The following CPHXL2 variants were observed in gnomAD, a reference collection of about 807,000 sequenced individuals.
CPHXL2 encodes cytoplasmic polyadenylated homeobox-like protein 2.
chr16:75,661,091 A>G, the CPHXL2 span: 2 of 400,852 alleles, frequency 5.0e-6, no homozygotes, highest in Admixed American at 4.4e-5. Context: ...TGGCACAGGA[A>G]AAACTCTGCT....
At chr16:75,670,439 A>C in the CPHXL2 span, among the ~76,000 whole-genome samples, 1 of 152,196 alleles carries the variant, frequency 6.6e-6, no homozygotes, top group African/African-American at 2.4e-5. Context: ...TGGTTTGTGA[A>C]CATTTGTTAA....
chr16:75,667,200 TAGTC>T, the CPHXL2 span, among the ~76,000 whole-genome samples: 8 of 151,584 alleles, frequency 5.3e-5, no homozygotes, highest in Non-Finnish European at 1.0e-4. Context: ...TAGTCACAGT[TAGTC>T]AGGAGACTGA....
chr16:75,665,076 C>T, the CPHXL2 span, among the ~76,000 whole-genome samples: 1 of 152,192 alleles, frequency 6.6e-6, no homozygotes, highest in Admixed American at 6.5e-5. Flanking sequence ...AGGCAGCGCT[C>T]ATGAGAGTCT....
the CPHXL2 span, among the ~76,000 whole-genome samples, chr16:75,661,823 GAAGA>G: frequency 6.6e-6 from 1 of 152,108 alleles, no homozygotes; most frequent in Non-Finnish European, 1.5e-5. Flanking sequence ...TCTGTGAGGA[GAAGA>G]AACAAACCAT....
chr16:75,668,967 C>CT, the CPHXL2 span, among the ~76,000 whole-genome samples: 1 of 151,924 alleles, frequency 6.6e-6, no homozygotes, highest in African/African-American at 2.4e-5. Flanking sequence ...AATTCTGTAC[C>CT]TTTTTATCTA....
chr16:75,671,370 A>AAG, the CPHXL2 span, among the ~76,000 whole-genome samples: 1 of 151,798 alleles, frequency 6.6e-6, no homozygotes, highest in African/African-American at 2.4e-5. Context: ...TCAAAAAAAA[A>AAG]AAAAAAAAAA....
chr16:75,663,700 G>A, the CPHXL2 span, among the ~76,000 whole-genome samples: 1 of 151,922 alleles, frequency 6.6e-6, no homozygotes, highest in Non-Finnish European at 1.5e-5. Flanking sequence ...TGGCTAACAT[G>A]GTGAAACCCT....
chr16:75,675,747 G>T, the CPHXL2 span, among the ~76,000 whole-genome samples: 6 of 152,228 alleles, frequency 3.9e-5, no homozygotes, highest in East Asian at 9.7e-4. Flanking sequence ...TGTAGATTTT[G>T]CCTCCAGGAC....
the CPHXL2 span, among the ~76,000 whole-genome samples, chr16:75,670,861 C>A: frequency 6.6e-6 from 1 of 152,134 alleles, no homozygotes. Context: ...AAATTTATTC[C>A]TGACATCGCT....
the CPHXL2 span, chr16:75,661,262 G>T: frequency 2.5e-6 from 1 of 400,772 alleles, no homozygotes; most frequent in Non-Finnish European, 4.4e-6. Flanking sequence ...AAAGGGAAAA[G>T]ATAATATTGT....
the CPHXL2 span, among the ~76,000 whole-genome samples, chr16:75,673,075 C>CAAAAAAA: frequency 1.6e-4 from 12 of 73,148 alleles, no homozygotes; most frequent in African/African-American, 4.4e-4. Flanking sequence ...GACCTTGTCT[C>CAAAAAAA]AAAAAAAAAA....
the CPHXL2 span, among the ~76,000 whole-genome samples, chr16:75,665,072 C>T: frequency 2.0e-5 from 3 of 152,270 alleles, no homozygotes; most frequent in South Asian, 2.1e-4. Context: ...TGGGAGGCAG[C>T]GCTCATGAGA....
chr16:75,665,238 G>A, the CPHXL2 span, among the ~76,000 whole-genome samples: 1 of 152,174 alleles, frequency 6.6e-6, no homozygotes, highest in Non-Finnish European at 1.5e-5. Flanking sequence ...TGAGACAAAA[G>A]CACCAGAAAA....
chr16:75,672,587 G>A, the CPHXL2 span, among the ~76,000 whole-genome samples: 1 of 152,160 alleles, frequency 6.6e-6, no homozygotes, highest in Non-Finnish European at 1.5e-5. Flanking sequence ...GACCTCCTGG[G>A]CTCAAGTGAT....
the CPHXL2 span, among the ~76,000 whole-genome samples, chr16:75,669,131 A>G: frequency 6.6e-6 from 1 of 152,044 alleles, no homozygotes; most frequent in Admixed American, 6.6e-5. Flanking sequence ...CCCGGGCAAC[A>G]TGGCAAGACT....
At chr16:75,674,276 G>C in the CPHXL2 span, among the ~76,000 whole-genome samples, 2 of 149,768 alleles carry the variant, frequency 1.3e-5, no homozygotes, top group African/African-American at 4.9e-5. Flanking sequence ...GGGAGGCTGA[G>C]GCAGGACAAT....
the CPHXL2 span, among the ~76,000 whole-genome samples, chr16:75,672,256 G>A: frequency 5.3e-5 from 8 of 150,950 alleles, no homozygotes; most frequent in Admixed American, 4.6e-4. Flanking sequence ...TCCTGCCTGG[G>A]CTACAGAGTG....
At chr16:75,676,364 C>G in the CPHXL2 span, among the ~76,000 whole-genome samples, 4 of 152,180 alleles carry the variant, frequency 2.6e-5, no homozygotes, top group Non-Finnish European at 2.9e-5. Context: ...CACTCTGTCA[C>G]CCAGGCTGGA....
chr16:75,671,554 A>G, the CPHXL2 span, among the ~76,000 whole-genome samples: 2 of 152,172 alleles, frequency 1.3e-5, no homozygotes, highest in Non-Finnish European at 1.5e-5. Context: ...CCCAGAGAGC[A>G]TGGCTTTTAG....
Sources: gnomAD v4.1 joint callset for allele counts (sites outside exome capture counted in the v4.1 genomes callset) on GRCh38, gnomAD v4.1.1 for gene constraint, MANE v1.5 for transcripts, NCBI Gene and HGNC (gene_info 2026-07-23, HGNC 2026-07-21) for gene names.